The following CAMK2B variants were observed in gnomAD, a reference collection of about 807,000 sequenced individuals.
CAMK2B encodes the protein calcium/calmodulin-dependent protein kinase type II subunit beta.
In CAMK2B, 27 loss-of-function variants were observed where a neutral mutation model predicts 93.7. The ratio of observed to expected loss-of-function variants is 0.29; its 90% CI spans 0.21 to 0.40. The LOEUF (loss-of-function observed/expected upper bound fraction) is 0.40, where lower values mean the gene tolerates loss of function less well. Ranked by LOEUF, CAMK2B falls within the 10% of genes least tolerant of loss-of-function variation. The pLI, the probability that CAMK2B is intolerant of heterozygous loss-of-function variation, is 1.00. For missense variants in CAMK2B, 568 were observed against 895.8 expected (o/e 0.63, Z 4.67); for synonymous variants, 374 against 358.8 (o/e 1.04, Z -0.48).
intron 13 of CAMK2B, among the ~76,000 whole-genome samples, chr7:44,236,015 C>T (rs2096622497): frequency 6.6e-6 from 1 of 152,212 alleles, no homozygotes; most frequent in South Asian, 2.1e-4. Flanking sequence ...CAGAATCGCC[C>T]TGTACAGTCA....
chr7:44,234,690 A>T lies in CAMK2B; in HGVS notation c.1022-14T>A, dbSNP rs766019608. 1.2e-6 allele frequency: 2 copies of T among 1,613,804 alleles called. No homozygotes were observed. Among genetic ancestry groups the T allele is most frequent in the Non-Finnish European group, 1.7e-6 (2 of 1,179,778 alleles). ...GTAAACTCTTGGCTGCTGCATGGGG[A>T]GGAAGAAGGTATGGTGAGTGATGGG... On this transcript the variant is annotated splice_polypyrimidine_tract_variant and intron_variant, in intron 13 of 23. Transcript: ENST00000395749.
At chr7:44,240,873 C>T in intron 11 of CAMK2B, 124 bp from the exon 12 acceptor site, 1 of 979,598 alleles carries the variant, frequency 1.0e-6, no homozygotes, top group South Asian at 1.5e-5. Context: ...GCTGACATGA[C>T]CTCAGCCTTC....
At chr7:44,263,848 T>G (rs1244661673) in intron 2 of CAMK2B, 2 of 154,420 alleles carry the variant, frequency 1.3e-5, no homozygotes. Context: ...GGTCCCATAC[T>G]GCAATGCATC....
At chr7:44,249,958 T>C (rs767117303) in intron 5 of CAMK2B, among the ~76,000 whole-genome samples, 4 of 152,128 alleles carry the variant, frequency 2.6e-5, no homozygotes, top group Non-Finnish European at 4.4e-5. Context: ...GGGACAGCAT[T>C]GGTTCTGCAC....
At chr7:44,254,338 T>C (rs1466599844) in intron 5 of CAMK2B, among the ~76,000 whole-genome samples, 2 of 152,210 alleles carry the variant, frequency 1.3e-5, no homozygotes, top group African/African-American at 4.8e-5. Flanking sequence ...GAACCTGGCC[T>C]TGGGCGTGGA....
chr7:44,228,961 A>T (rs751768978), intron 18 of CAMK2B, 37 bp from the exon 19 acceptor site: 1 of 1,598,834 alleles, frequency 6.3e-7, no homozygotes, highest in Non-Finnish European at 8.5e-7. Context: ...CATGAGGCAG[A>T]CAGACACACG....
chr7:44,239,465 C>T, intron 13 of CAMK2B, 124 bp downstream of exon 13: 1 of 810,922 alleles, frequency 1.2e-6, no homozygotes, highest in Non-Finnish European at 2.0e-6. Context: ...GCAGGGGCTC[C>T]CGGGGGCCTG....
intron 16 of CAMK2B, among the ~76,000 whole-genome samples, 191 bp downstream of exon 16, chr7:44,232,631 G>T (rs1041536424): frequency 6.6e-6 from 1 of 152,222 alleles, no homozygotes; most frequent in Non-Finnish European, 1.5e-5. Flanking sequence ...CCAGGGGCGC[G>T]CCTGGGGCCT....
chr7:44,238,398 G>A (rs1018084434), intron 13 of CAMK2B, among the ~76,000 whole-genome samples: 2 of 152,182 alleles, frequency 1.3e-5, no homozygotes, highest in African/African-American at 4.8e-5. Context: ...CTGGGCAGCA[G>A]TGCCTCCCCA....
intron 13 of CAMK2B, among the ~76,000 whole-genome samples, chr7:44,235,092 C>T (rs2096613499): frequency 6.6e-6 from 1 of 152,232 alleles, no homozygotes; most frequent in African/African-American, 2.4e-5. Context: ...AGAGGTCATG[C>T]CCTCCCGGGC....
At chr7:44,285,136 A>G (rs192299115) in intron 1 of CAMK2B, among the ~76,000 whole-genome samples, 127 of 152,282 alleles carry the variant, frequency 8.3e-4, no homozygotes, top group African/African-American at 3.0e-3. Flanking sequence ...GGAGCCACAG[A>G]GTCTATGAGG....
At chr7:44,306,147 G>A (rs1199991033) in intron 1 of CAMK2B, among the ~76,000 whole-genome samples, 1 of 151,596 alleles carries the variant, frequency 6.6e-6, no homozygotes, top group African/African-American at 2.4e-5. Context: ...GAGGAGAGGG[G>A]GTGAGCACTC....
At chr7:44,305,131 G>A (rs547084140) in intron 1 of CAMK2B, among the ~76,000 whole-genome samples, 39 of 152,312 alleles carry the variant, frequency 2.6e-4, no homozygotes, top group South Asian at 2.1e-4. Context: ...CCCTGGAGCT[G>A]TCATCACCCC....
At chr7:44,252,817 C>T (rs1466550037) in intron 5 of CAMK2B, among the ~76,000 whole-genome samples, 1 of 152,232 alleles carries the variant, frequency 6.6e-6, no homozygotes, top group Non-Finnish European at 1.5e-5. Flanking sequence ...GGGGACAGGG[C>T]TCCGTTCCAC....
Position 44,312,619 on chromosome 7 carries a change from A to G in CAMK2B, c.65+12738T>C, listed in dbSNP as rs990700905. ...AGGAAGAGCCTAGAAAAGACCAGGAAGCAAAAGAGGGAGGAAAAGTGGAAA... is the reference window on the plus strand; with the variant it reads ...AGGAAGAGCCTAGAAAAGACCAGGAGGCAAAAGAGGGAGGAAAAGTGGAAA... On this transcript the variant is annotated intron_variant, in intron 1 of 23. Coordinates refer to ENST00000395749, the MANE Select transcript of CAMK2B (RefSeq NM_001220.5). This position sits in a 1 kb window ranked among gnomAD's most constrained non-coding sequence, Gnocchi z 4.1. Among the ~76,000 whole-genome samples the G allele has an allele frequency of 1.3e-5, 2 of 152,170 alleles. No homozygotes were observed. The highest frequency in any genetic ancestry group is 4.2e-4 in the South Asian group (2 of 4,818).
At chr7:44,283,515 C>T (rs759029854) in intron 2 of CAMK2B, among the ~76,000 whole-genome samples, 3 of 152,228 alleles carry the variant, frequency 2.0e-5, no homozygotes, top group Non-Finnish European at 4.4e-5. Context: ...ACACCCTGCA[C>T]GTCTGAGAAG....
chr7:44,295,521 C>T (rs551994897), intron 1 of CAMK2B, among the ~76,000 whole-genome samples: 21 of 152,228 alleles, frequency 1.4e-4, no homozygotes, highest in Admixed American at 1.2e-3. Flanking sequence ...CTGTAATTGC[C>T]GAATTGCCAG....
upstream of CAMK2B, chr7:44,325,929 C>T (rs1353464274): frequency 2.6e-5 from 4 of 151,742 alleles, no homozygotes; most frequent in Admixed American, 2.6e-4. Flanking sequence ...CGCACCACGC[C>T]CGCACCTCGC....
intron 2 of CAMK2B, 106 bp downstream of exon 2, chr7:44,284,025 G>A (rs1391034008): frequency 6.5e-6 from 5 of 773,622 alleles, no homozygotes; most frequent in Non-Finnish European, 8.5e-6. Context: ...TGGGCCAAGT[G>A]CTGGCCAAGA....
Sources: allele counts gnomAD v4.1 joint callset (sites outside exome capture counted in the v4.1 genomes callset), GRCh38; gene constraint gnomAD v4.1.1; non-coding constraint Gnocchi (gnomAD v3.1); transcripts MANE v1.5; gene names NCBI Gene and HGNC (gene_info 2026-07-23, HGNC 2026-07-21).